The following NEBL variants were observed in gnomAD, a reference collection of about 807,000 sequenced individuals.
The protein encoded by NEBL is LIM and SH3 protein 2.
NEBL carries 122 observed loss-of-function variants against 140.2 expected under a neutral mutation model. The ratio of observed to expected loss-of-function variants is 0.87; its 90% CI spans 0.75 to 1.01. The LOEUF (loss-of-function observed/expected upper bound fraction) is 1.01. NEBL is among the 50% of genes least tolerant of loss of function. NEBL has a pLI of 0.00. For missense variants in NEBL, 1,365 were observed against 1,231.3 expected, an observed-to-expected ratio of 1.11 and a Z score of -1.62; for synonymous variants, 436 against 398.9, an observed-to-expected ratio of 1.09 and a Z score of -1.11.
At chr10:21,133,812 T>G (rs1839225117) in intron 2 of NEBL, among the ~76,000 whole-genome samples, 1 of 152,192 alleles carries the variant, frequency 6.6e-6, no homozygotes, top group Non-Finnish European at 1.5e-5. Flanking sequence ...GGTGGCTGCC[T>G]CAAATCCGAG....
chr10:20,902,890 G>A (rs1467733016), intron 4 of NEBL, among the ~76,000 whole-genome samples: 2 of 152,144 alleles, frequency 1.3e-5, no homozygotes, highest in African/African-American at 4.8e-5. Context: ...GATGTGTCAG[G>A]AATAATTGTG....
intron 2 of NEBL, among the ~76,000 whole-genome samples, chr10:21,153,559 C>T (rs1840224498): frequency 6.6e-6 from 1 of 151,288 alleles, no homozygotes; most frequent in Admixed American, 6.6e-5. Context: ...GACGGAGTCT[C>T]ACTGTATCTC....
intron 14 of NEBL, among the ~76,000 whole-genome samples, chr10:20,831,871 A>G (rs1021693120): frequency 6.6e-6 from 1 of 152,164 alleles, no homozygotes; most frequent in African/African-American, 2.4e-5. Context: ...TAAACTTGAT[A>G]TATTATTGGG....
At chr10:21,093,006 G>A (rs1157550967) in intron 2 of NEBL, among the ~76,000 whole-genome samples, 1 of 152,102 alleles carries the variant, frequency 6.6e-6, no homozygotes, top group Non-Finnish European at 1.5e-5. Flanking sequence ...TGTGGGAACA[G>A]TTTATGACAA....
intron 7 of NEBL, among the ~76,000 whole-genome samples, chr10:20,863,547 A>ATCTTTAAG (rs1282384489): frequency 6.6e-6 from 1 of 152,182 alleles, no homozygotes; most frequent in East Asian, 1.9e-4. Context: ...AATCAATAAT[A>ATCTTTAAG]TCTTTAAGTC....
At chr10:21,126,655 A>G (rs11012537) in intron 2 of NEBL, among the ~76,000 whole-genome samples, 7,205 of 152,160 alleles carry the variant, frequency 0.047, 315 homozygotes, top group East Asian at 0.22. Flanking sequence ...AAGAGTGTCA[A>G]AGAGACACAC....
At chr10:21,031,322 G>C (rs913987539) in intron 2 of NEBL, among the ~76,000 whole-genome samples, 4 of 152,174 alleles carry the variant, frequency 2.6e-5, no homozygotes, top group African/African-American at 9.7e-5. Context: ...AGCTGCAGAA[G>C]CCCAAGGAAT....
intron 1 of NEBL, among the ~76,000 whole-genome samples, chr10:21,172,841 C>T (rs183563031): frequency 2.6e-4 from 40 of 152,254 alleles, no homozygotes; most frequent in African/African-American, 8.9e-4. Context: ...TTCAAAGTGT[C>T]TAAATGCAGG....
intron 2 of NEBL, among the ~76,000 whole-genome samples, chr10:21,149,636 T>C (rs1840061230): frequency 6.6e-6 from 1 of 152,212 alleles, no homozygotes; most frequent in African/African-American, 2.4e-5. Flanking sequence ...AGGGTCTCCC[T>C]GAGTTCTGTG....
At chr10:20,888,989 C>A (rs1257106271) in intron 3 of NEBL, among the ~76,000 whole-genome samples, 1 of 152,196 alleles carries the variant, frequency 6.6e-6, no homozygotes, top group Non-Finnish European at 1.5e-5. Flanking sequence ...TGCTAGCCTT[C>A]TGCTACCACA....
intron 3 of NEBL, among the ~76,000 whole-genome samples, chr10:21,017,620 T>C (rs565255894): frequency 5.7e-4 from 87 of 152,236 alleles, no homozygotes; most frequent in African/African-American, 2.0e-3. Flanking sequence ...AAGTCAGGCA[T>C]ATAATAGGAA....
At chr10:21,047,490 ATAATAG>A (rs1834573873) in intron 2 of NEBL, among the ~76,000 whole-genome samples, 1 of 152,202 alleles carries the variant, frequency 6.6e-6, no homozygotes, top group East Asian at 1.9e-4. Context: ...AACACATTTA[ATAATAG>A]ATCACCTCAT....
rs951534674 is a variant in NEBL, at chr10:20,837,809, G to A, written c.1339-2186C>T. Among the ~76,000 whole-genome samples the A allele has an allele frequency of 5.9e-5, 9 of 152,290 alleles. No homozygotes were observed. The South Asian group carries it at 1.7e-3, about 28-fold the overall frequency. Reference sequence around the variant, plus strand: ...CATTTACCATTCTGGAAATCCTAGGGTCTTTAAGAATTATGCTAAATCTAC... The same window carrying A: ...CATTTACCATTCTGGAAATCCTAGGATCTTTAAGAATTATGCTAAATCTAC... On this transcript the variant is annotated intron_variant, in intron 13 of 27. Transcript: ENST00000377122.
At chr10:20,857,861 A>G (rs148982423) in intron 9 of NEBL, among the ~76,000 whole-genome samples, 114 of 152,266 alleles carry the variant, frequency 7.5e-4, no homozygotes, top group African/African-American at 2.7e-3. Flanking sequence ...ATGCTACTGA[A>G]GGCGTACTAA....
intron 3 of NEBL, among the ~76,000 whole-genome samples, chr10:20,994,782 G>A (rs1235841016): frequency 6.6e-6 from 1 of 152,110 alleles, no homozygotes; most frequent in African/African-American, 2.4e-5. Flanking sequence ...AAATCATAAG[G>A]AAGAGAAAAT....
intron 4 of NEBL, among the ~76,000 whole-genome samples, chr10:20,910,112 C>G (rs1039255096): frequency 6.6e-5 from 10 of 152,146 alleles, no homozygotes; most frequent in African/African-American, 2.2e-4. Flanking sequence ...CATGGAAAGT[C>G]TTAAAGCAGC....
chr10:21,259,442 AC>A (rs1251612987), intron 1 of NEBL, among the ~76,000 whole-genome samples: 2 of 151,988 alleles, frequency 1.3e-5, no homozygotes, highest in Non-Finnish European at 2.9e-5. Flanking sequence ...TCCCACCCTT[AC>A]TTCCTAGGGT....
upstream of NEBL, among the ~76,000 whole-genome samples, chr10:20,902,260 G>C (rs967598768): frequency 6.6e-6 from 1 of 152,066 alleles, no homozygotes; most frequent in African/African-American, 2.4e-5. Flanking sequence ...CAAAAAATTA[G>C]CTGGGCATGG....
chr10:21,138,731 A>T (rs923420174), intron 2 of NEBL, among the ~76,000 whole-genome samples: 1 of 152,082 alleles, frequency 6.6e-6, no homozygotes, highest in Non-Finnish European at 1.5e-5. Context: ...CCAGAGTCAC[A>T]CAGCTAAAAA....
Sources: gnomAD v4.1 joint callset for allele counts (sites outside exome capture counted in the v4.1 genomes callset) on GRCh38, gnomAD v4.1.1 for gene constraint, MANE v1.5 for transcripts, NCBI Gene and HGNC (gene_info 2026-07-23, HGNC 2026-07-21) for gene names.